Variants in HDGFL3 observed in about 807,000 individuals in gnomAD.
HDGFL3 encodes hepatoma-derived growth factor-related protein 3.
A neutral mutation model predicts 27.6 loss-of-function variants in HDGFL3; 6 were observed. The observed-to-expected ratio is 0.22, with a 90% CI of 0.12 to 0.43. The LOEUF (loss-of-function observed/expected upper bound fraction) is 0.43, where lower values mean the gene tolerates loss of function less well. HDGFL3 is among the 20% of genes least tolerant of loss of function. The pLI, the probability that HDGFL3 is intolerant of heterozygous loss-of-function variation, is 1.00. For missense variants in HDGFL3, 207 were observed against 250.1 expected (o/e 0.83, Z 1.16); for synonymous variants, 88 against 88.9 (o/e 0.99, Z 0.05).
At position 83,206,101 on chromosome 15, in the gene HDGFL3, T is replaced by C. The variant is rs574077309; in HGVS notation, c.84+1230A>G. On this transcript the variant is annotated intron_variant, in intron 1 of 5. Transcript: ENST00000299633. ...TCCCCCAATTCCTGGCCTAGTGTTC[T>C]TTCCATTTGACAATCATGCCAAACC... Among the ~76,000 whole-genome samples the C allele has an allele frequency of 7.2e-5, 11 of 152,344 alleles. No individual in the cohort carries two copies. In the East Asian group the frequency reaches 1.3e-3, roughly 19 times the overall value.
intron 1 of HDGFL3, chr15:83,189,457 C>A (rs757168217): frequency 1.3e-5 from 2 of 152,314 alleles, no homozygotes; most frequent in Non-Finnish European, 1.5e-5. Context: ...TGAGCTCATT[C>A]CTACTTTTTC....
chr15:83,151,889 A>G (rs1190110131), intron 4 of HDGFL3, among the ~76,000 whole-genome samples: 1 of 152,232 alleles, frequency 6.6e-6, no homozygotes. Context: ...GATATAAACT[A>G]ATCTTTTCAA....
chr15:83,207,203 T>G lies in HDGFL3; in HGVS notation c.84+128A>C. 1.8e-6 allele frequency: 1 copy of G among 562,776 alleles called. No individual in the cohort carries two copies. Among genetic ancestry groups the G allele is most frequent in the Non-Finnish European group, 2.7e-6 (1 of 374,176 alleles). 34.9% of individuals were successfully genotyped at this position (562,776 alleles called of 1,614,324 possible). On this transcript the variant is annotated intron_variant, in intron 1 of 5. Coordinates refer to ENST00000299633, the MANE Select transcript of HDGFL3 (RefSeq NM_016073.4). This position sits in a 1 kb window ranked among gnomAD's most constrained non-coding sequence, Gnocchi z 4.8. ...CGGTCTTCTTCGTGCCGCGCCGCCC[T>G]CAGCCCTCACCACAGCCGGCCGCGA...
intron 1 of HDGFL3, among the ~76,000 whole-genome samples, chr15:83,201,467 GATCTAAC>G (rs1345484001): frequency 6.6e-6 from 1 of 152,108 alleles, no homozygotes; most frequent in Non-Finnish European, 1.5e-5. Flanking sequence ...GATGGATTCT[GATCTAAC>G]ATCTGAGACT....
chr15:83,158,133 CTA>C, intron 2 of HDGFL3, 92 bp from the exon 3 acceptor site: 2 of 1,062,336 alleles, frequency 1.9e-6, no homozygotes, highest in South Asian at 3.2e-5. Context: ...TCAGAGCATA[CTA>C]TAGCAAACAA....
chr15:83,118,406 A>G (rs1442299675), intron 3 of HDGFL3, among the ~76,000 whole-genome samples: 1 of 152,204 alleles, frequency 6.6e-6, no homozygotes, highest in Non-Finnish European at 1.5e-5. Flanking sequence ...CTACCAGGAG[A>G]GGCCAGCACT....
chr15:83,163,154 CA>C (rs765152076), intron 2 of HDGFL3, among the ~76,000 whole-genome samples: 65 of 152,268 alleles, frequency 4.3e-4, no homozygotes, highest in Non-Finnish European at 7.4e-4. Context: ...GAAACTGTGA[CA>C]ACACTGAACA....
intron 5 of HDGFL3, among the ~76,000 whole-genome samples, chr15:83,143,218 G>C (rs2036816326): frequency 6.6e-6 from 1 of 152,118 alleles, no homozygotes; most frequent in Non-Finnish European, 1.5e-5. Flanking sequence ...CACCATGTTG[G>C]CCAGGCTGGT....
intron 3 of HDGFL3, chr15:83,119,802 C>A: frequency 4.0e-6 from 6 of 1,496,308 alleles, no homozygotes; most frequent in Non-Finnish European, 5.4e-6. Context: ...AATATAAGTT[C>A]CATGGGTGCA....
chr15:83,168,404 G>A (rs923416596), intron 1 of HDGFL3, among the ~76,000 whole-genome samples: 2 of 152,092 alleles, frequency 1.3e-5, no homozygotes, highest in East Asian at 1.9e-4. Context: ...TCCATAGATC[G>A]TTAATAAAAT....
chr15:83,169,444 A>AAAAAG, intron 1 of HDGFL3, among the ~76,000 whole-genome samples: 6 of 145,956 alleles, frequency 4.1e-5, no homozygotes, highest in African/African-American at 1.3e-4. Context: ...AAAAAAAAAA[A>AAAAAG]AAAGAAAGAA....
chr15:83,182,386 A>G (rs1454418902), intron 1 of HDGFL3, among the ~76,000 whole-genome samples: 1 of 152,246 alleles, frequency 6.6e-6, no homozygotes, highest in East Asian at 1.9e-4. Context: ...GGTTGTTCAT[A>G]GCAACTTTAT....
chr15:83,142,988 C>T (rs2036809655), intron 5 of HDGFL3, among the ~76,000 whole-genome samples: 1 of 151,758 alleles, frequency 6.6e-6, no homozygotes, highest in African/African-American at 2.4e-5. Context: ...TTAACGATCA[C>T]ATATATAAAC....
downstream of HDGFL3, chr15:83,127,357 G>T (rs778742801): frequency 6.2e-6 from 10 of 1,611,084 alleles, no homozygotes; most frequent in Non-Finnish European, 7.6e-6. Flanking sequence ...GTTCAATACA[G>T]ATGCTGGCAT....
chr15:83,185,622 G>C (rs1044715710), intron 1 of HDGFL3, among the ~76,000 whole-genome samples: 1 of 152,218 alleles, frequency 6.6e-6, no homozygotes, highest in African/African-American at 2.4e-5. Context: ...GTCCTGGGAA[G>C]AGGGAGTTTT....
In HDGFL3 at chr15:83,151,371, TA is replaced by T; in HGVS notation, c.460-11del. The stretch of plus-strand genomic sequence containing the variant: ...ACTGTTTAGAGGATTTCTAAATGTT[TA>T]GACAAGTTAAATATTATAGTCAAAA... On this transcript the variant is annotated splice_polypyrimidine_tract_variant and intron_variant, in intron 4 of 5. Coordinates refer to ENST00000299633, the MANE Select transcript of HDGFL3 (RefSeq NM_016073.4). 1 of 1,597,792 alleles carries T rather than the reference TA, an allele frequency of 6.3e-7. No homozygotes were observed.
rs905059971 is a variant in HDGFL3 at position 83,128,596 on chromosome 15, G to A, written c.*10674C>T. 2.6e-5 allele frequency: 4 copies of A among 151,814 alleles called. No homozygotes were observed. The highest frequency in any genetic ancestry group is 7.3e-5 in the African/African-American group (3 of 41,286). 9.4% of individuals were successfully genotyped at this position (151,814 alleles called of 1,614,324 possible). ...TGATAACTTCCAGTTTTCTACCTTC[G>A]GCCCACACCGTTCCCAGACTCCTGT... is the stretch of plus-strand genomic sequence containing the variant. On this transcript the variant is annotated 3_prime_UTR_variant, in exon 6 of 6. Coordinates refer to ENST00000299633, the MANE Select transcript of HDGFL3 (RefSeq NM_016073.4).
chr15:83,157,929 G>T lies in HDGFL3; in HGVS notation c.274C>A (p.Pro92Thr). The change falls in exon 3 of 6, where the codon CCA (proline) becomes ACA (threonine). Residue 92 changes from proline (P) to threonine (T), a missense_variant. Pro to Thr is a conservative substitution (Grantham distance 38). Coordinates refer to ENST00000299633, the MANE Select transcript of HDGFL3 (RefSeq NM_016073.4). ...NEGLWEIENN[P>T]GVKFTGYQAI... ...TGGTAGCCAGTAAACTTTACTCCTG[G>T]GTTATTTTCTATTTCCCACAATCCT... is the stretch of plus-strand genomic sequence containing the variant. 1 of 1,612,086 alleles carries T rather than the reference G, an allele frequency of 6.2e-7. No individual in the cohort carries two copies.
At chr15:83,121,816 T>C (rs2035279469) in intron 3 of HDGFL3, 2 of 813,078 alleles carry the variant, frequency 2.5e-6, no homozygotes, top group African/African-American at 1.7e-5. Context: ...TTTTGATTGA[T>C]GTACTTTACT....
Sources: gnomAD v4.1 joint callset for allele counts (sites outside exome capture counted in the v4.1 genomes callset) on GRCh38, gnomAD v4.1.1 for gene constraint, Gnocchi (gnomAD v3.1) non-coding constraint, MANE v1.5 for transcripts, NCBI Gene and HGNC (gene_info 2026-07-23, HGNC 2026-07-21) for gene names.